Variants in YY1AP1 observed in about 807,000 individuals in gnomAD.
YY1AP1 encodes the protein YY1-associated protein 1.
A neutral mutation model predicts 39.9 loss-of-function variants in YY1AP1; 43 were observed. The observed-to-expected ratio is 1.08, with a 90% CI of 0.84 to 1.39. The LOEUF is 1.39. Ranked by LOEUF, YY1AP1 falls within the 40% of genes most tolerant of loss-of-function variation. YY1AP1 has a pLI of 0.00. For missense variants in YY1AP1, 813 were observed against 900.7 expected, an observed-to-expected ratio of 0.90 and a Z score of 1.25; for synonymous variants, 292 against 331.3, an observed-to-expected ratio of 0.88 and a Z score of 1.29.
At chr1:155,668,469 A>G (rs555895638) in intron 9 of YY1AP1, among the ~76,000 whole-genome samples, 158 bp downstream of exon 9, 9 of 152,352 alleles carry the variant, frequency 5.9e-5, no homozygotes, top group Admixed American at 2.0e-4. Flanking sequence ...GAATGAATCA[A>G]TGTCCCTGAA....
At chr1:155,666,412 C>T (rs1441415262) in intron 9 of YY1AP1, among the ~76,000 whole-genome samples, 2 of 152,098 alleles carry the variant, frequency 1.3e-5, no homozygotes, top group Admixed American at 6.6e-5. Context: ...TGAGCCACCG[C>T]GCCCAGCCAA....
chr1:155,669,976 G>A (rs992870723), intron 8 of YY1AP1, among the ~76,000 whole-genome samples: 1 of 152,174 alleles, frequency 6.6e-6, no homozygotes, highest in African/African-American at 2.4e-5. Context: ...AGTGAGCTGT[G>A]ATTGCAACAC....
intron 5 of YY1AP1, 85 bp downstream of exon 5, chr1:155,676,463 A>G: frequency 6.6e-7 from 1 of 1,519,104 alleles, no homozygotes; most frequent in African/African-American, 1.4e-5. Context: ...TGACATTTAC[A>G]AAGCTGCTAA....
At chr1:155,684,239 ACT>A (rs963209253) in intron 2 of YY1AP1, among the ~76,000 whole-genome samples, 2 of 152,020 alleles carry the variant, frequency 1.3e-5, no homozygotes, top group African/African-American at 4.8e-5. Context: ...GGAGAGCGAA[ACT>A]CTCTCTCAAA....
chr1:155,676,521 T>C (rs1396544002), intron 5 of YY1AP1, 27 bp downstream of exon 5: 2 of 1,613,088 alleles, frequency 1.2e-6, no homozygotes, highest in Admixed American at 1.7e-5. Flanking sequence ...TATAATTCAA[T>C]ATTAATATGA....
At position 155,688,060 on chromosome 1, in the gene YY1AP1, G is replaced by A; in HGVS notation, c.-21+11C>T. On this transcript the variant is annotated intron_variant, in intron 2 of 10. Transcript: ENST00000355499. ...TTAGGCCCGAATGCCGGCCCAAATCGTTCTACTCACCGTGTCGGAGGCCGA... is the reference window on the plus strand; with the variant it reads ...TTAGGCCCGAATGCCGGCCCAAATCATTCTACTCACCGTGTCGGAGGCCGA... 2 of 1,568,262 alleles carry A rather than the reference G, an allele frequency of 1.3e-6. No individual in the cohort carries two copies. The highest frequency in any genetic ancestry group is 1.2e-5 in the South Asian group (1 of 84,758).
At position 155,659,454 on chromosome 1, in the gene YY1AP1, T is replaced by G. The variant is rs1647685512; in HGVS notation, c.*203A>C. 1 of 601,554 alleles carries G rather than the reference T, an allele frequency of 1.7e-6. No homozygotes were observed. The allele number at this position is 601,554 out of a possible 1,614,324, so 37.3% of individuals were successfully genotyped here. On this transcript the variant is annotated 3_prime_UTR_variant, in exon 11 of 11. Coordinates refer to ENST00000355499, the MANE Select transcript of YY1AP1 (RefSeq NM_139119.3). Reference sequence around the variant, plus strand: ...CAAATTGCACAAATCAATGAAACAATGAAGCAATAAAAGCACAGATTTATT... The same window carrying G: ...CAAATTGCACAAATCAATGAAACAAGGAAGCAATAAAAGCACAGATTTATT...
intron 9 of YY1AP1, among the ~76,000 whole-genome samples, chr1:155,661,644 G>A (rs183800492): frequency 6.6e-6 from 1 of 152,002 alleles, no homozygotes; most frequent in Admixed American, 6.6e-5. Context: ...TCTATTTAAA[G>A]ATTTTATAGT....
intron 2 of YY1AP1, among the ~76,000 whole-genome samples, chr1:155,685,652 T>G (rs1652110286): frequency 6.6e-6 from 1 of 152,214 alleles, no homozygotes; most frequent in South Asian, 2.1e-4. Flanking sequence ...CCTGTCAACA[T>G]GTTCAAATAC....
At chr1:155,685,321 T>A (rs1425494552) in intron 2 of YY1AP1, among the ~76,000 whole-genome samples, 1 of 152,222 alleles carries the variant, frequency 6.6e-6, no homozygotes, top group African/African-American at 2.4e-5. Context: ...ATTCACAGCA[T>A]CTCTTCAACC....
intron 7 of YY1AP1, among the ~76,000 whole-genome samples, chr1:155,671,863 T>C (rs540309092): frequency 6.6e-6 from 1 of 152,312 alleles, no homozygotes; most frequent in East Asian, 1.9e-4. Flanking sequence ...CTACATTCAA[T>C]GTAATGATAA....
chr1:155,668,258 G>A (rs1649332763), intron 9 of YY1AP1, among the ~76,000 whole-genome samples: 1 of 151,894 alleles, frequency 6.6e-6, no homozygotes, highest in South Asian at 2.1e-4. Flanking sequence ...CCAAGATCAT[G>A]CCACTATACT....
chr1:155,680,313 G>T, intron 3 of YY1AP1, 103 bp downstream of exon 3: 1 of 1,342,978 alleles, frequency 7.4e-7, no homozygotes. Flanking sequence ...AGGAGAATTG[G>T]TTCAGTCCCT....
At chr1:155,683,116 G>A (rs76628470) in intron 2 of YY1AP1, among the ~76,000 whole-genome samples, 4,147 of 151,970 alleles carry the variant, frequency 0.027, 71 homozygotes, top group Non-Finnish European at 0.041. Flanking sequence ...AAATTGATTT[G>A]CTCTAGCAGA....
At position 155,659,519 on chromosome 1, in the gene YY1AP1, G is replaced by A. The variant is rs1647696539; in HGVS notation, c.*138C>T. ...TTCCACAGAGTGGGAGCAGGCTAAAGCAAGCTGCTCAAGAGCCCCAGTTGC... is the reference window on the plus strand; with the variant it reads ...TTCCACAGAGTGGGAGCAGGCTAAAACAAGCTGCTCAAGAGCCCCAGTTGC... On this transcript the variant is annotated 3_prime_UTR_variant, in exon 11 of 11. Transcript: ENST00000355499. 1 of 819,564 alleles carries A rather than the reference G, an allele frequency of 1.2e-6. No homozygotes were observed. The highest frequency in any genetic ancestry group is 1.7e-5 in the African/African-American group (1 of 58,536). The allele number at this position is 819,564 out of a possible 1,614,324, so 50.8% of individuals were successfully genotyped here. A position where few individuals can be genotyped will look rare whatever the true frequency, so the allele number is the denominator to read the frequency against.
Position 155,660,713 on chromosome 1 carries a change from G to A in YY1AP1, c.1197C>T (p.Phe399=), listed in dbSNP as rs1457869595. 1 of 1,614,220 alleles carries A rather than the reference G, an allele frequency of 6.2e-7. No individual in the cohort carries two copies. The highest frequency in any genetic ancestry group is 2.2e-5 in the East Asian group (1 of 44,882). ...VLKLKPVADR[F]PKKAWRQKRS... is the part of the protein sequence containing the mutation. Reference sequence around the variant, plus strand: ...GCTTCTGTCTCCAAGCCTTCTTGGGGAAACGGTCGGCAACTGGCTTCAGTT... The same window carrying A: ...GCTTCTGTCTCCAAGCCTTCTTGGGAAAACGGTCGGCAACTGGCTTCAGTT... Residue 399 remains phenylalanine, a synonymous_variant, in exon 11 of 11, where the codon TTC becomes TTT. Coordinates refer to ENST00000355499, the MANE Select transcript of YY1AP1 (RefSeq NM_139119.3).
chr1:155,677,203 T>C (rs1650822857), intron 4 of YY1AP1, among the ~76,000 whole-genome samples: 1 of 152,190 alleles, frequency 6.6e-6, no homozygotes, highest in East Asian at 1.9e-4. Flanking sequence ...AAAGACTTTC[T>C]AGCATGAAGC....
At chr1:155,675,515 G>A (rs11264401) in intron 5 of YY1AP1, among the ~76,000 whole-genome samples, 6,670 of 151,872 alleles carry the variant, frequency 0.044, 181 homozygotes, top group Middle Eastern at 0.085. Context: ...TCGTAGAGAC[G>A]GGGTTTCACC....
rs1157927789 is a variant in YY1AP1, at chr1:155,660,135, G to T, written c.1775C>A (p.Thr592Asn). The change falls in exon 11 of 11, where the codon ACC becomes AAC. Residue 592 changes from threonine to asparagine, a missense_variant. Transcript: ENST00000355499. ...AQSPQTIPIA[T>N]LLVNPTSFPC... is the part of the protein sequence containing the mutation. ...GAAGGAAGTAGGGTTAACCAAGAGG[G>T]TGGCGATGGGAATAGTCTGGGGACT... is the stretch of plus-strand genomic sequence containing the variant. 6.2e-7 allele frequency: 1 copy of T among 1,614,070 alleles called. No individual in the cohort carries two copies. The highest frequency in any genetic ancestry group is 2.2e-5 in the East Asian group (1 of 44,896).
Sources: gnomAD v4.1 joint callset for allele counts (sites outside exome capture counted in the v4.1 genomes callset) on GRCh38, gnomAD v4.1.1 for gene constraint, MANE v1.5 for transcripts, NCBI Gene and HGNC (gene_info 2026-07-23, HGNC 2026-07-21) for gene names.